Variants in PRKN observed in about 807,000 individuals in gnomAD.
PRKN encodes the protein parkin RBR E3 ubiquitin protein ligase.
A neutral mutation model predicts 59.5 loss-of-function variants in PRKN; 56 were observed. The observed-to-expected ratio is 0.94, with a 90% confidence interval of 0.76 to 1.18. The LOEUF (loss-of-function observed/expected upper bound fraction) is 1.18. PRKN is among the 50% of genes most tolerant of loss of function. The pLI is 0.00. For synonymous variants in PRKN, 250 were observed against 222.1 expected, an observed-to-expected ratio of 1.13 and a Z score of -1.12; for missense variants, 657 against 596.4, an observed-to-expected ratio of 1.10 and a Z score of -1.06.
At chr6:161,476,961 C>T (rs1281426139) in intron 9 of PRKN, among the ~76,000 whole-genome samples, 1 of 152,184 alleles carries the variant, frequency 6.6e-6, no homozygotes, top group African/African-American at 2.4e-5. Context: ...CAAACCAGTG[C>T]ATGCAGTTCT....
At chr6:161,541,184 A>G (rs1195364110) in intron 9 of PRKN, among the ~76,000 whole-genome samples, 2 of 152,176 alleles carry the variant, frequency 1.3e-5, no homozygotes, top group African/African-American at 4.8e-5. Flanking sequence ...ACTGTTCAAT[A>G]CAGTAGCCAC....
chr6:161,691,935 T>C (rs1250038367), intron 7 of PRKN, among the ~76,000 whole-genome samples: 1 of 151,512 alleles, frequency 6.6e-6, no homozygotes, highest in Non-Finnish European at 1.5e-5. Context: ...AGACAGAAAC[T>C]GTGATGACAC....
At chr6:161,930,190 C>G (rs185773916) in intron 6 of PRKN, among the ~76,000 whole-genome samples, 46 of 152,228 alleles carry the variant, frequency 3.0e-4, no homozygotes, top group Middle Eastern at 6.8e-3. Context: ...GTTTATTTAT[C>G]CATAGATGTG....
chr6:161,743,920 C>A (rs936070387), intron 7 of PRKN, among the ~76,000 whole-genome samples: 1 of 152,098 alleles, frequency 6.6e-6, no homozygotes, highest in Admixed American at 6.5e-5. Context: ...TTCAGGGCTG[C>A]GTCTTTGCTA....
intron 2 of PRKN, among the ~76,000 whole-genome samples, chr6:162,293,192 A>G (rs1026193152): frequency 6.6e-6 from 1 of 152,206 alleles, no homozygotes; most frequent in Admixed American, 6.5e-5. Flanking sequence ...ATAAGACAGA[A>G]GCCAACAGGA....
intron 2 of PRKN, among the ~76,000 whole-genome samples, chr6:162,311,987 T>C (rs1254797658): frequency 6.6e-6 from 1 of 152,044 alleles, no homozygotes; most frequent in Non-Finnish European, 1.5e-5. Context: ...CACACGTGCA[T>C]GCATACACGT....
chr6:161,602,104 T>TCATCTATCTATCTATC (rs1554281948), intron 7 of PRKN, among the ~76,000 whole-genome samples: 1 of 150,420 alleles, frequency 6.6e-6, no homozygotes, highest in African/African-American at 2.5e-5. Flanking sequence ...TTAGGGGAGA[T>TCATCTATCTATCTATC]TATCTATCTA....
At position 162,036,042 on chromosome 6, in the gene PRKN, C is replaced by T. The variant is rs145628781; in HGVS notation, c.618+18049G>A. 7.4e-3 allele frequency among the ~76,000 whole-genome samples: 1,129 copies of T among 152,148 alleles called. 19 individuals are homozygous for T. Among genetic ancestry groups the T allele is most frequent in the African/African-American group, 0.026 (1,072 of 41,548 alleles). Reference sequence around the variant, plus strand: ...ACATAACGCCATAAAGAAAACAATACGGCCGGGCGCGGTGGCTCACGCCTG... The same window carrying T: ...ACATAACGCCATAAAGAAAACAATATGGCCGGGCGCGGTGGCTCACGCCTG... On this transcript the variant is annotated intron_variant, in intron 5 of 11. Transcript: ENST00000366898.
chr6:161,921,140 C>A (rs971051129), intron 6 of PRKN, among the ~76,000 whole-genome samples: 2 of 150,838 alleles, frequency 1.3e-5, no homozygotes, highest in African/African-American at 2.4e-5. Flanking sequence ...TGCTTTTTTT[C>A]TGTTTCTAAA....
intron 2 of PRKN, among the ~76,000 whole-genome samples, chr6:162,353,516 T>TA (rs909041746): frequency 1.3e-5 from 2 of 152,170 alleles, no homozygotes; most frequent in African/African-American, 2.4e-5. Flanking sequence ...AATAAATTTT[T>TA]AAAAAAATTC....
At chr6:162,130,164 T>C (rs977125414) in intron 4 of PRKN, among the ~76,000 whole-genome samples, 1 of 152,146 alleles carries the variant, frequency 6.6e-6, no homozygotes, top group African/African-American at 2.4e-5. Context: ...CTGTCCTCAC[T>C]TCTCTTCTGC....
At chr6:162,625,744 A>AT in intron 1 of PRKN, among the ~76,000 whole-genome samples, 1 of 152,220 alleles carries the variant, frequency 6.6e-6, no homozygotes, top group East Asian at 1.9e-4. Flanking sequence ...TTGCAAAAAC[A>AT]TATCTAAAAC....
At chr6:162,034,447 C>T (rs1168397685) in intron 5 of PRKN, among the ~76,000 whole-genome samples, 1 of 152,014 alleles carries the variant, frequency 6.6e-6, no homozygotes, top group African/African-American at 2.4e-5. Context: ...TAAATTGATC[C>T]ACAATAGGTA....
intron 3 of PRKN, among the ~76,000 whole-genome samples, chr6:162,250,183 A>T: frequency 7.6e-6 from 1 of 130,902 alleles, no homozygotes. Flanking sequence ...TTGATTATTT[A>T]TAAGGGGGGG....
Position 161,397,655 on chromosome 6 carries a change from G to A in PRKN, c.1084-10778C>T, listed in dbSNP as rs1786824589. Among the ~76,000 whole-genome samples the A allele has an allele frequency of 1.3e-5, 2 of 152,132 alleles. No individual in the cohort carries two copies. Among genetic ancestry groups the A allele is most frequent in the South Asian group, 4.1e-4 (2 of 4,832 alleles). ...CCACGTGATTATCATGAAGTTGCAA[G>A]GACCTAACAGAATAATGGCAATCAT... On this transcript the variant is annotated intron_variant, in intron 9 of 11. Coordinates refer to ENST00000366898, the MANE Select transcript of PRKN (RefSeq NM_004562.3). This position sits in a 1 kb window ranked among gnomAD's most constrained non-coding sequence, Gnocchi z 4.2.
intron 6 of PRKN, among the ~76,000 whole-genome samples, chr6:161,923,309 C>G (rs979483490): frequency 5.7e-4 from 87 of 152,152 alleles, no homozygotes; most frequent in African/African-American, 2.1e-3. Context: ...ACAGTGAAAC[C>G]CTGTCTCTAC....
chr6:162,283,838 G>A (rs1311727964), intron 2 of PRKN, among the ~76,000 whole-genome samples: 1 of 152,096 alleles, frequency 6.6e-6, no homozygotes, highest in Non-Finnish European at 1.5e-5. Context: ...ATTAGATCCT[G>A]ACCCCTGCTT....
At chr6:162,702,379 G>C (rs1003924644) in intron 1 of PRKN, among the ~76,000 whole-genome samples, 1 of 152,066 alleles carries the variant, frequency 6.6e-6, no homozygotes, top group African/African-American at 2.4e-5. Flanking sequence ...CTGTAAAGAA[G>C]TTTAAACTCT....
At chr6:161,689,717 T>A (rs116568068) in intron 7 of PRKN, among the ~76,000 whole-genome samples, 2,229 of 151,526 alleles carry the variant, frequency 0.015, 53 homozygotes, top group African/African-American at 0.051. Context: ...AAAGAAAAAT[T>A]TTTTTTTTTG....
Sources: allele counts gnomAD v4.1 joint callset (sites outside exome capture counted in the v4.1 genomes callset), GRCh38; gene constraint gnomAD v4.1.1; non-coding constraint Gnocchi (gnomAD v3.1); transcripts MANE v1.5; gene names NCBI Gene and HGNC (gene_info 2026-07-23, HGNC 2026-07-21).